VTI1A: variants seen among roughly 807,000 people sequenced by gnomAD.
VTI1A encodes vesicle transport through interaction with t-SNAREs 1A.
Under a neutral mutation model 34.9 loss-of-function variants are expected in VTI1A, and 22 were observed. That is an observed-to-expected ratio of 0.63 (90% confidence interval 0.45 to 0.90). VTI1A has a LOEUF of 0.90. VTI1A is among the 40% of genes least tolerant of loss of function. The pLI, the probability that VTI1A is intolerant of heterozygous loss-of-function variation, is 0.00. For missense variants in VTI1A, 268 were observed against 275.6 expected, an observed-to-expected ratio of 0.97 and a Z score of 0.20; for synonymous variants, 87 against 97.3, an observed-to-expected ratio of 0.89 and a Z score of 0.62.
At chr10:112,760,056 A>G (rs991792378) in intron 7 of VTI1A, among the ~76,000 whole-genome samples, 1 of 152,222 alleles carries the variant, frequency 6.6e-6, no homozygotes, top group Non-Finnish European at 1.5e-5. Context: ...AAGAAGAGGG[A>G]TAGGGAAGAT....
chr10:112,627,746 A>C (rs1390105029), intron 5 of VTI1A, among the ~76,000 whole-genome samples: 1 of 152,230 alleles, frequency 6.6e-6, no homozygotes, highest in Non-Finnish European at 1.5e-5. Context: ...TGCTGAGATA[A>C]CAACAGTGAC....
At chr10:112,829,323 A>T in the VTI1A span, among the ~76,000 whole-genome samples, 4 of 152,122 alleles carry the variant, frequency 2.6e-5, no homozygotes, top group African/African-American at 9.7e-5. Context: ...AGGTGCCTGT[A>T]GTCCCAGCTA....
chr10:112,634,671 C>T (rs967572118), intron 5 of VTI1A, among the ~76,000 whole-genome samples: 22 of 152,238 alleles, frequency 1.4e-4, no homozygotes, highest in African/African-American at 5.3e-4. Context: ...TTGTCTTAAT[C>T]ACTCAGCATC....
At chr10:112,476,019 C>G (rs950905542) in intron 3 of VTI1A, among the ~76,000 whole-genome samples, 1 of 152,100 alleles carries the variant, frequency 6.6e-6, no homozygotes, top group African/African-American at 2.4e-5. Flanking sequence ...CTAAATAAAT[C>G]CAATTCGTCA....
the VTI1A span, among the ~76,000 whole-genome samples, chr10:112,836,639 T>C: frequency 4.6e-5 from 7 of 152,164 alleles, no homozygotes; most frequent in Non-Finnish European, 7.3e-5. Context: ...CCACGTGTAG[T>C]AGCACTTGAA....
At chr10:112,836,581 G>C in the VTI1A span, among the ~76,000 whole-genome samples, 1 of 152,196 alleles carries the variant, frequency 6.6e-6, no homozygotes, top group African/African-American at 2.4e-5. Context: ...TCAAATCTTA[G>C]TTGGGGGCTT....
intron 7 of VTI1A, among the ~76,000 whole-genome samples, chr10:112,718,727 A>T (rs139838889): frequency 6.6e-6 from 1 of 152,326 alleles, no homozygotes; most frequent in African/African-American, 2.4e-5. Context: ...CTACCCTTTC[A>T]TAAAGCTAAG....
In VTI1A at chr10:112,624,020, A is replaced by G. The variant is rs189648602; in HGVS notation, c.428-44198A>G. 4.6e-5 allele frequency among the ~76,000 whole-genome samples: 7 copies of G among 152,362 alleles called. No homozygotes were observed. The East Asian group carries it at 1.4e-3, about 29-fold the overall frequency. On this transcript the variant is annotated intron_variant, in intron 5 of 7. Coordinates refer to ENST00000393077, the MANE Select transcript of VTI1A (RefSeq NM_145206.4). ...GTTGTCCATCATCTTTCAAGAAAAG[A>G]GACCAGCATGGGACTGACAAACACA... is the stretch of plus-strand genomic sequence containing the variant.
At chr10:112,483,292 G>C (rs917766293) in intron 3 of VTI1A, among the ~76,000 whole-genome samples, 3 of 151,964 alleles carry the variant, frequency 2.0e-5, no homozygotes, top group Admixed American at 6.6e-5. Context: ...AATCCATAAA[G>C]AGCTGCTCAG....
At chr10:112,547,410 CTA>C (rs1257420017) in intron 5 of VTI1A, among the ~76,000 whole-genome samples, 3 of 151,988 alleles carry the variant, frequency 2.0e-5, no homozygotes, top group African/African-American at 4.8e-5. Context: ...AACCCCGTCT[CTA>C]TTAAAAATAC....
intron 5 of VTI1A, among the ~76,000 whole-genome samples, chr10:112,635,387 G>C (rs1846315677): frequency 6.6e-6 from 1 of 152,278 alleles, no homozygotes; most frequent in South Asian, 2.1e-4. Flanking sequence ...TCCAGACAGG[G>C]AACCGCAAGG....
chr10:112,623,082 C>T (rs1420920910), intron 5 of VTI1A, among the ~76,000 whole-genome samples: 1 of 152,092 alleles, frequency 6.6e-6, no homozygotes, highest in African/African-American at 2.4e-5. Flanking sequence ...GCCTTTTTAG[C>T]ACTTTTGCAC....
intron 5 of VTI1A, among the ~76,000 whole-genome samples, chr10:112,620,084 A>G (rs1473598549): frequency 6.6e-6 from 1 of 152,206 alleles, no homozygotes; most frequent in East Asian, 1.9e-4. Context: ...AAAGCACACT[A>G]TGTTTTTAAG....
chr10:112,538,174 T>G (rs1850719545), intron 4 of VTI1A, 72 bp from the exon 5 acceptor site: 2 of 1,430,230 alleles, frequency 1.4e-6, no homozygotes, highest in Non-Finnish European at 1.9e-6. Context: ...CGAAGGCATT[T>G]TTTTTTTAAG....
chr10:112,548,441 A>C (rs1851218746), intron 5 of VTI1A, among the ~76,000 whole-genome samples: 1 of 152,208 alleles, frequency 6.6e-6, no homozygotes, highest in African/African-American at 2.4e-5. Context: ...AGAAAACCAA[A>C]GTGGTCCACA....
chr10:112,504,501 CTT>C (rs79889646), intron 3 of VTI1A, among the ~76,000 whole-genome samples: 7 of 150,112 alleles, frequency 4.7e-5, no homozygotes, highest in African/African-American at 9.8e-5. Flanking sequence ...CTTTTTTATT[CTT>C]TTTTTTTTAT....
chr10:112,691,306 T>TAAAA (rs398069896), intron 7 of VTI1A, among the ~76,000 whole-genome samples: 1 of 150,864 alleles, frequency 6.6e-6, no homozygotes, highest in African/African-American at 2.4e-5. Context: ...AATAAATAAA[T>TAAAA]GAAAGTTCCA....
chr10:112,730,560 A>G (rs1175658794), intron 7 of VTI1A, among the ~76,000 whole-genome samples: 1 of 150,098 alleles, frequency 6.7e-6, no homozygotes, highest in East Asian at 2.0e-4. Context: ...GTATTACAAC[A>G]TCTACTTTTA....
At chr10:112,839,768 C>T in the VTI1A span, among the ~76,000 whole-genome samples, 2 of 152,170 alleles carry the variant, frequency 1.3e-5, no homozygotes, top group Non-Finnish European at 2.9e-5. Flanking sequence ...CACCCTAAGG[C>T]AAAGCAGGGC....
Sources: allele counts gnomAD v4.1 joint callset (sites outside exome capture counted in the v4.1 genomes callset), GRCh38; gene constraint gnomAD v4.1.1; transcripts MANE v1.5; gene names NCBI Gene and HGNC (gene_info 2026-07-23, HGNC 2026-07-21).